Variants in ATP8A1 observed in about 807,000 individuals in gnomAD.
ATP8A1 encodes phospholipid-transporting ATPase IA.
In ATP8A1, 90 loss-of-function variants were observed where a neutral mutation model predicts 177.7. The ratio of observed to expected loss-of-function variants is 0.51; its 90% CI spans 0.43 to 0.60. The LOEUF is 0.60. Ranked by LOEUF, ATP8A1 falls within the 20% of genes least tolerant of loss-of-function variation. The pLI is 0.00. For missense variants in ATP8A1, 1,072 were observed against 1,392.8 expected (o/e 0.77, Z 3.67); for synonymous variants, 493 against 485.9 (o/e 1.01, Z -0.19).
intron 36 of ATP8A1, 90 bp downstream of exon 36, chr4:42,414,537 T>C (rs1713001715): frequency 1.7e-6 from 2 of 1,162,514 alleles, no homozygotes; most frequent in Admixed American, 1.9e-5. Flanking sequence ...TAGTTTTAAA[T>C]AAATATCCCT....
intron 23 of ATP8A1, among the ~76,000 whole-genome samples, chr4:42,504,221 T>G (rs1255286864): frequency 4.6e-5 from 7 of 152,332 alleles, no homozygotes; most frequent in African/African-American, 1.7e-4. Context: ...GAAACTCCTA[T>G]GTTCAACTCA....
chr4:42,579,777 A>C, intron 11 of ATP8A1, 36 bp downstream of exon 11: 1 of 1,542,070 alleles, frequency 6.5e-7, no homozygotes, highest in South Asian at 1.2e-5. Flanking sequence ...TACATGTCTT[A>C]ATCTAAAAAA....
intron 20 of ATP8A1, 69 bp downstream of exon 20, chr4:42,543,848 A>G (rs894282880): frequency 1.8e-6 from 2 of 1,140,762 alleles, no homozygotes; most frequent in African/African-American, 1.6e-5. Context: ...ACATTTCCAT[A>G]GAATGCCTAA....
intron 4 of ATP8A1, among the ~76,000 whole-genome samples, chr4:42,622,139 GCCA>G (rs1737527154): frequency 1.3e-5 from 2 of 152,022 alleles, no homozygotes; most frequent in Non-Finnish European, 2.9e-5. Flanking sequence ...ATTTTGGGAG[GCCA>G]AGGTGGGTGG....
chr4:42,503,439 A>T lies in ATP8A1; in HGVS notation c.2151+11T>A. The T allele has an allele frequency of 1.3e-6, 2 of 1,534,426 alleles. No homozygotes were observed. Among genetic ancestry groups the T allele is most frequent in the Non-Finnish European group, 1.8e-6 (2 of 1,115,092 alleles). The stretch of plus-strand genomic sequence containing the variant: ...ATTAAAGGAGTTTTAAAAATACATA[A>T]TTTTACTTACATCAAGAGAGCCTTC... On this transcript the variant is annotated intron_variant, in intron 24 of 36. Coordinates refer to ENST00000381668, the MANE Select transcript of ATP8A1 (RefSeq NM_006095.2).
rs1323813347 is a variant in ATP8A1, at chr4:42,518,288, A to G, written c.1947+3872T>C. On this transcript the variant is annotated intron_variant, in intron 22 of 36. Transcript: ENST00000381668. ...ACATTTTGAATGTTGTGAATATAAT[A>G]CTACCATTAATGTGGCAATGACATA... Among the ~76,000 whole-genome samples the G allele has an allele frequency of 4.6e-5, 7 of 152,378 alleles. No individual in the cohort carries two copies. The South Asian group carries it at 6.2e-4, about 14-fold the overall frequency.
rs570763518 is a variant in ATP8A1, at chr4:42,547,172, C to G, written c.1652+1841G>C. On this transcript the variant is annotated intron_variant, in intron 19 of 36. Transcript: ENST00000381668. ...ACTTCAAACATTTCAACCTCCACAT[C>G]TATTCCTATTCCCACTTCTGCCATC... Among the ~76,000 whole-genome samples the G allele has an allele frequency of 7.2e-5, 11 of 152,312 alleles. No homozygotes were observed. The East Asian group carries it at 1.9e-3, about 27-fold the overall frequency.
intron 5 of ATP8A1, among the ~76,000 whole-genome samples, chr4:42,614,846 TA>T (rs1478534198): frequency 6.6e-6 from 1 of 152,134 alleles, no homozygotes; most frequent in Non-Finnish European, 1.5e-5. Flanking sequence ...AACCCACACA[TA>T]AAAATATCTT....
intron 24 of ATP8A1, among the ~76,000 whole-genome samples, chr4:42,502,055 T>G (rs73235588): frequency 6.6e-6 from 1 of 152,032 alleles, no homozygotes; most frequent in Non-Finnish European, 1.5e-5. Context: ...CTTTTTTTTT[T>G]TCAAAAAAGA....
At chr4:42,547,203 A>T (rs904998752) in intron 19 of ATP8A1, among the ~76,000 whole-genome samples, 1 of 152,168 alleles carries the variant, frequency 6.6e-6, no homozygotes, top group Non-Finnish European at 1.5e-5. Flanking sequence ...CCATCTGTGT[A>T]AATGGTACCT....
At chr4:42,521,892 T>C (rs13143829) in intron 22 of ATP8A1, among the ~76,000 whole-genome samples, 47,772 of 152,072 alleles carry the variant, frequency 0.31, 8,840 homozygotes, top group East Asian at 0.57. Flanking sequence ...CTGAAATACA[T>C]TGGCAAGGAG....
At chr4:42,585,492 C>A (rs546523497) in intron 9 of ATP8A1, among the ~76,000 whole-genome samples, 1 of 144,708 alleles carries the variant, frequency 6.9e-6, no homozygotes, top group Non-Finnish European at 1.5e-5. Context: ...AAAAGAGGTC[C>A]GAGAGCCTCC....
chr4:42,478,579 TA>T (rs11307131), intron 25 of ATP8A1, among the ~76,000 whole-genome samples: 143,907 of 151,944 alleles, frequency 0.95, 68,612 homozygotes, highest in Non-Finnish European at 1. Context: ...AAAAACCACA[TA>T]AAAAAATCAA....
At chr4:42,566,404 G>GC (rs1461880590) in intron 15 of ATP8A1, among the ~76,000 whole-genome samples, 1 of 152,206 alleles carries the variant, frequency 6.6e-6, no homozygotes, top group Non-Finnish European at 1.5e-5. Context: ...CTGAAGATCA[G>GC]CATGAAGATG....
At chr4:42,637,292 C>G in intron 1 of ATP8A1, 1 of 493,102 alleles carries the variant, frequency 2.0e-6, no homozygotes, top group South Asian at 1.5e-5. Flanking sequence ...TAACAGCTGC[C>G]CTAAACAAGC....
intron 1 of ATP8A1, among the ~76,000 whole-genome samples, chr4:42,643,247 T>C (rs1740187075): frequency 1.3e-5 from 2 of 152,192 alleles, no homozygotes; most frequent in African/African-American, 4.8e-5. Flanking sequence ...CTAAAGAATA[T>C]TCAGAGAAAA....
intron 22 of ATP8A1, among the ~76,000 whole-genome samples, chr4:42,512,744 A>G (rs1388597638): frequency 6.6e-6 from 1 of 152,144 alleles, no homozygotes; most frequent in Non-Finnish European, 1.5e-5. Flanking sequence ...CGAGGAGCTT[A>G]TTAACACAGA....
At chr4:42,591,625 G>T (rs4624693) in intron 6 of ATP8A1, among the ~76,000 whole-genome samples, 34,217 of 151,896 alleles carry the variant, frequency 0.23, 4,344 homozygotes, top group Non-Finnish European at 0.29. Context: ...ATAGACATGC[G>T]GAGAATATGG....
At chr4:42,413,058 AACC>A in intron 36 of ATP8A1, 45 bp from the exon 37 acceptor site, 1 of 1,512,626 alleles carries the variant, frequency 6.6e-7, no homozygotes, top group Non-Finnish European at 9.2e-7. Flanking sequence ...AGGCACTGGA[AACC>A]ACCGTTATTC....
Sources: allele counts gnomAD v4.1 joint callset (sites outside exome capture counted in the v4.1 genomes callset), GRCh38; gene constraint gnomAD v4.1.1; transcripts MANE v1.5; gene names NCBI Gene and HGNC (gene_info 2026-07-23, HGNC 2026-07-21).